Variants in CLNK observed in about 807,000 individuals in gnomAD.
The protein encoded by CLNK is cytokine dependent hematopoietic cell linker.
CLNK carries 74 observed loss-of-function variants against 68.6 expected under a neutral mutation model. The ratio of observed to expected loss-of-function variants is 1.08; its 90% confidence interval spans 0.89 to 1.31. CLNK has a LOEUF of 1.31. Ranked by LOEUF, CLNK falls within the 50% of genes most tolerant of loss-of-function variation. The pLI, the probability that CLNK is intolerant of heterozygous loss-of-function variation, is 0.00. For synonymous variants in CLNK, 198 were observed against 172.2 expected (o/e 1.15, Z -1.17); for missense variants, 553 against 515.3 (o/e 1.07, Z -0.71).
Position 10,542,023 on chromosome 4 carries a change from G to T in CLNK, c.490C>A (p.Arg164=). 1.3e-6 allele frequency: 2 copies of T among 1,586,964 alleles called. No homozygotes were observed. Among genetic ancestry groups the T allele is most frequent in the Middle Eastern group, 1.7e-4 (1 of 6,002 alleles). The change falls in exon 10 of 19, where the codon CGG becomes AGG. Residue 164 remains arginine (R), a splice_region_variant and synonymous_variant. Coordinates refer to ENST00000226951, the MANE Select transcript of CLNK (RefSeq NM_052964.4). Reference sequence around the variant, plus strand: ...AAATGCTATTTTAAAGTGTTTTACCGAGGAGGTGGTAAAGGAATCTGAAAA... The same window carrying T: ...AAATGCTATTTTAAAGTGTTTTACCTAGGAGGTGGTAAAGGAATCTGAAAA... ...RKNKIPLPPP[R]PLITLPKKYQ...
intron 4 of CLNK, among the ~76,000 whole-genome samples, chr4:10,573,115 C>A (rs1720413704): frequency 6.6e-6 from 1 of 152,218 alleles, no homozygotes; most frequent in Non-Finnish European, 1.5e-5. Context: ...AGGTATGAGC[C>A]ATGGCACCTG....
At chr4:10,720,636 C>A in the CLNK span, among the ~76,000 whole-genome samples, 1 of 91,046 alleles carries the variant, frequency 1.1e-5, no homozygotes, top group Non-Finnish European at 2.7e-5. Context: ...TACAGAAAAA[C>A]CACAAGAGAG....
rs1716507372 is a variant in CLNK at position 10,490,180 on chromosome 4, TG to T, written c.*286del. ...TAATGGCTATGTTTATAGTATTTTT[TG>T]TTGTTGTTTTTTAGAAGATACTTTT... On this transcript the variant is annotated 3_prime_UTR_variant, in exon 19 of 19. Coordinates refer to ENST00000226951, the MANE Select transcript of CLNK (RefSeq NM_052964.4). 2 of 305,700 alleles carry T rather than the reference TG, an allele frequency of 6.5e-6. No homozygotes were observed. Among genetic ancestry groups the T allele is most frequent in the Admixed American group, 4.7e-5 (1 of 21,242 alleles). The allele number at this position is 305,700 out of a possible 1,614,324, so 18.9% of individuals were successfully genotyped here.
At chr4:10,710,264 T>TAAG in the CLNK span, among the ~76,000 whole-genome samples, 28 of 151,954 alleles carry the variant, frequency 1.8e-4, no homozygotes, top group African/African-American at 6.0e-4. Context: ...AGTGAGGCAT[T>TAAG]AAGAGTGGTT....
At chr4:10,691,060 A>G in the CLNK span, among the ~76,000 whole-genome samples, 1 of 152,166 alleles carries the variant, frequency 6.6e-6, no homozygotes, top group Non-Finnish European at 1.5e-5. Context: ...GGTCTAAGTA[A>G]TGAAAAAGAC....
the CLNK span, among the ~76,000 whole-genome samples, chr4:10,731,423 G>A: frequency 6.6e-6 from 1 of 152,104 alleles, no homozygotes; most frequent in Non-Finnish European, 1.5e-5. Context: ...TCTCATGCAG[G>A]GGTTTTTAGC....
rs1271851769 is a variant in CLNK at position 10,645,101 on chromosome 4, G to A, written c.11+22758C>T. ...CATTAAAGGAAGTGGGGTGAATAGT[G>A]AAAATAAATACTTATTCCAAAAAGC... On this transcript the variant is annotated intron_variant, in intron 2 of 18. Coordinates refer to ENST00000226951, the MANE Select transcript of CLNK (RefSeq NM_052964.4). Among the ~76,000 whole-genome samples the A allele has an allele frequency of 3.3e-5, 5 of 152,308 alleles. No individual in the cohort carries two copies. In the East Asian group the frequency reaches 9.6e-4, roughly 29 times the overall value.
At chr4:10,698,692 G>A in the CLNK span, among the ~76,000 whole-genome samples, 2 of 152,182 alleles carry the variant, frequency 1.3e-5, no homozygotes, top group Non-Finnish European at 2.9e-5. Flanking sequence ...TAGTGAAAGA[G>A]CTCTTGTGAA....
intron 1 of CLNK, among the ~76,000 whole-genome samples, chr4:10,678,812 T>C (rs1724973068): frequency 6.6e-6 from 1 of 152,092 alleles, no homozygotes; most frequent in South Asian, 2.1e-4. Context: ...ACAAGGGATG[T>C]GAAGGACCTC....
intron 3 of CLNK, among the ~76,000 whole-genome samples, chr4:10,592,306 A>G (rs563925280): frequency 7.3e-5 from 11 of 151,640 alleles, no homozygotes; most frequent in African/African-American, 2.7e-4. Flanking sequence ...ATATTAAAAA[A>G]CAAAAACAAA....
At chr4:10,573,080 T>C (rs1384019364) in intron 4 of CLNK, among the ~76,000 whole-genome samples, 1 of 152,174 alleles carries the variant, frequency 6.6e-6, no homozygotes, top group Admixed American at 6.5e-5. Flanking sequence ...CCGCCTACCT[T>C]GGCCTCACAA....
At chr4:10,690,943 A>T in the CLNK span, among the ~76,000 whole-genome samples, 1 of 152,176 alleles carries the variant, frequency 6.6e-6, no homozygotes, top group Non-Finnish European at 1.5e-5. Flanking sequence ...GAGAAAGTGC[A>T]GTGCAACAAA....
intron 2 of CLNK, among the ~76,000 whole-genome samples, chr4:10,644,563 T>G (rs1485762122): frequency 6.6e-6 from 1 of 152,078 alleles, no homozygotes; most frequent in Non-Finnish European, 1.5e-5. Context: ...ACCCAGAATA[T>G]AGTAGAGGCT....
Position 10,578,579 on chromosome 4 carries a change from C to CTTTTT in CLNK, c.112+6343_112+6347dup, listed in dbSNP as rs5856062. 5.0e-3 allele frequency among the ~76,000 whole-genome samples: 225 copies of CTTTTT among 44,712 alleles called. 2 individuals carry two copies. Among genetic ancestry groups the CTTTTT allele is most frequent in the Admixed American group, 7.4e-3 (21 of 2,828 alleles). The allele number at this position is 44,712 out of a possible 152,430, so 29.3% of individuals were successfully genotyped here. A position where few individuals can be genotyped will look rare whatever the true frequency, so the allele number is the denominator to read the frequency against. ...TTCTCTTGGACTTGGCTTACCTTAT[C>CTTTTT]TTTTTTTTTTTTTTTTTTTTTTTTT... is the stretch of plus-strand genomic sequence containing the variant. On this transcript the variant is annotated intron_variant, in intron 4 of 18. Coordinates refer to ENST00000226951, the MANE Select transcript of CLNK (RefSeq NM_052964.4).
chr4:10,547,942 C>A (rs1252161216), intron 8 of CLNK, among the ~76,000 whole-genome samples: 4 of 152,052 alleles, frequency 2.6e-5, no homozygotes, highest in Admixed American at 1.3e-4. Flanking sequence ...AATAATGCTG[C>A]CATGAACAGA....
intron 2 of CLNK, among the ~76,000 whole-genome samples, chr4:10,664,303 T>A (rs1283393546): frequency 1.3e-5 from 2 of 152,234 alleles, no homozygotes; most frequent in African/African-American, 2.4e-5. Flanking sequence ...ATTGTTTTTG[T>A]TTAAAGCCTC....
At chr4:10,520,243 T>C (rs1718003564) in intron 15 of CLNK, among the ~76,000 whole-genome samples, 1 of 152,366 alleles carries the variant, frequency 6.6e-6, no homozygotes, top group African/African-American at 2.4e-5. Flanking sequence ...GCCGCAGATG[T>C]GATATCCTTC....
At chr4:10,707,465 A>T in the CLNK span, among the ~76,000 whole-genome samples, 1 of 152,244 alleles carries the variant, frequency 6.6e-6, no homozygotes, top group Non-Finnish European at 1.5e-5. Context: ...AAGATAGACT[A>T]ATGTCAGTCA....
At chr4:10,699,512 A>ATATATATTT in the CLNK span, among the ~76,000 whole-genome samples, 1 of 32,764 alleles carries the variant, frequency 3.1e-5, no homozygotes, top group African/African-American at 1.2e-4. Context: ...ATATATATAT[A>ATATATATTT]TTTTTTTTTT....
Sources: allele counts gnomAD v4.1 joint callset (sites outside exome capture counted in the v4.1 genomes callset), GRCh38; gene constraint gnomAD v4.1.1; transcripts MANE v1.5; gene names NCBI Gene and HGNC (gene_info 2026-07-23, HGNC 2026-07-21).